The following ADGB variants were observed in gnomAD, a reference collection of about 807,000 sequenced individuals.
ADGB encodes androglobin, also known as calpain-7-like protein.
ADGB carries 172 observed loss-of-function variants against 210.5 expected under a neutral mutation model. The observed-to-expected ratio is 0.82, with a 90% confidence interval of 0.72 to 0.93. ADGB has a LOEUF of 0.93. Ranked by LOEUF, ADGB falls within the 40% of genes least tolerant of loss-of-function variation. The pLI is 0.00. For synonymous variants in ADGB, 658 were observed against 662.7 expected (o/e 0.99, Z 0.11); for missense variants, 2,025 against 1,964.8 (o/e 1.03, Z -0.58).
In ADGB at chr6:146,745,866, A is replaced by G. The variant is rs375128628; in HGVS notation, c.3178-56A>G. On this transcript the variant is annotated intron_variant, in intron 25 of 35. Transcript: ENST00000397944. Reference sequence around the variant, plus strand: ...CATTTAGCACTATTAGATATTGTACATTCGATAGAATAATAACGACATAAT... The same window carrying G: ...CATTTAGCACTATTAGATATTGTACGTTCGATAGAATAATAACGACATAAT... 393 of 1,371,950 alleles carry G rather than the reference A, an allele frequency of 2.9e-4. 3 individuals are homozygous for G. The South Asian group carries it at 4.4e-3, about 15-fold the overall frequency. 85.0% of individuals were successfully genotyped at this position (1,371,950 alleles called of 1,614,324 possible).
chr6:146,766,430 AAAATTAAATTAAATTAAATTAAATT>A (rs71552958), intron 28 of ADGB, among the ~76,000 whole-genome samples: 2 of 139,354 alleles, frequency 1.4e-5, no homozygotes, highest in Non-Finnish European at 1.5e-5. Context: ...CTGTCTCAGT[AAAATTAAATTAAATTAAATTAAATT>A]AAATTAAATT....
intron 18 of ADGB, chr6:146,725,215 A>G (rs749333594): frequency 4.6e-5 from 7 of 152,216 alleles, no homozygotes; most frequent in Non-Finnish European, 8.8e-5. Context: ...GAATTTAATA[A>G]AGATTCTTCT....
intron 1 of ADGB, among the ~76,000 whole-genome samples, chr6:146,600,519 C>T (rs1780539276): frequency 6.6e-6 from 1 of 152,184 alleles, no homozygotes; most frequent in Non-Finnish European, 1.5e-5. Flanking sequence ...CCTCTCCCTT[C>T]CTTCAGGAGT....
chr6:146,794,345 G>A (rs1204055391), intron 33 of ADGB, among the ~76,000 whole-genome samples: 3 of 152,134 alleles, frequency 2.0e-5, no homozygotes, highest in African/African-American at 4.8e-5. Context: ...CCGGTGAGTG[G>A]CTGGAAAGGG....
chr6:146,736,743 T>C (rs1417205662), intron 23 of ADGB, among the ~76,000 whole-genome samples, 152 bp downstream of exon 23: 1 of 152,180 alleles, frequency 6.6e-6, no homozygotes, highest in Admixed American at 6.5e-5. Flanking sequence ...ATCTGAAACA[T>C]TTCTATGGTA....
chr6:146,770,067 T>C (rs1184444686), intron 29 of ADGB, among the ~76,000 whole-genome samples: 2 of 152,330 alleles, frequency 1.3e-5, no homozygotes, highest in African/African-American at 2.4e-5. Context: ...TTCACCTGTT[T>C]CGTCCCTTGC....
At chr6:146,638,460 T>C (rs1340668747) in intron 2 of ADGB, among the ~76,000 whole-genome samples, 2 of 151,714 alleles carry the variant, frequency 1.3e-5, no homozygotes, top group African/African-American at 4.8e-5. Flanking sequence ...TGTAGGGACA[T>C]GGATGAAGCT....
chr6:146,736,544 G>C lies in ADGB; in HGVS notation c.2841G>C (p.Trp947Cys). Residue 947 changes from tryptophan to cysteine, a missense_variant, in exon 23 of 36, where the codon TGG becomes TGC. Physicochemically the swap from Trp to Cys is radical, Grantham distance 215. Transcript: ENST00000397944. Reference protein sequence around the residue: ...ISVADTLQKVWAVLEMNLEQY... With the variant: ...ISVADTLQKVCAVLEMNLEQY... ...TTGCAGATACTCTTCAAAAAGTTTG[G>C]GCTGTATTGGAAATGAATTTAGAAC... 1 of 1,549,014 alleles carries C rather than the reference G, an allele frequency of 6.5e-7. No homozygotes were observed.
At chr6:146,640,429 G>T (rs1775490068) in intron 2 of ADGB, among the ~76,000 whole-genome samples, 1 of 151,994 alleles carries the variant, frequency 6.6e-6, no homozygotes. Context: ...CCAACATCTT[G>T]ATAACAAAAC....
At chr6:146,619,804 G>T (rs1780862507) in intron 1 of ADGB, among the ~76,000 whole-genome samples, 1 of 151,910 alleles carries the variant, frequency 6.6e-6, no homozygotes. Context: ...AAGTATAAAT[G>T]GTTTACTTAG....
intron 29 of ADGB, among the ~76,000 whole-genome samples, chr6:146,779,820 C>T (rs894524119): frequency 6.8e-6 from 1 of 147,824 alleles, no homozygotes; most frequent in Non-Finnish European, 1.5e-5. Flanking sequence ...GTTTTGAAAA[C>T]AAACTTGCCC....
Position 146,733,143 on chromosome 6 carries a change from T to C in ADGB, c.2544T>C (p.Arg848=), listed in dbSNP as rs1375787243. The C allele has an allele frequency of 2.0e-6, 3 of 1,530,384 alleles. No homozygotes were observed. The Admixed American group carries it at 6.2e-5, about 31-fold the overall frequency. 94.8% of individuals were successfully genotyped at this position (1,530,384 alleles called of 1,614,324 possible). Residue 848 remains arginine, a synonymous_variant, in exon 21 of 36, where the codon CGT becomes CGC. Coordinates refer to ENST00000397944, the MANE Select transcript of ADGB (RefSeq NM_024694.4). The part of the protein sequence containing the change: ...HFRVFHLSLW[R]LMKKVQITKP... ...AGGTTTTTCATCTTTCCTTATGGCG[T>C]TTAATGAAAAAAGTTCAAATAACAA...
chr6:146,663,180 A>G (rs939064571), intron 5 of ADGB, among the ~76,000 whole-genome samples: 8 of 141,152 alleles, frequency 5.7e-5, no homozygotes, highest in African/African-American at 2.1e-4. Context: ...TATATTATAT[A>G]TTATATATAA....
At chr6:146,721,304 C>T in intron 16 of ADGB, 99 bp from the exon 17 acceptor site, 1 of 752,046 alleles carries the variant, frequency 1.3e-6, no homozygotes, top group East Asian at 2.7e-5. Flanking sequence ...CAGTAAGTTT[C>T]CTGTAACTCT....
chr6:146,760,195 C>T (rs2114620817), intron 27 of ADGB, among the ~76,000 whole-genome samples: 1 of 151,774 alleles, frequency 6.6e-6, no homozygotes. Flanking sequence ...TAGTATGACC[C>T]ACACCCCTAA....
At chr6:146,748,079 C>T (rs1777268277) in intron 26 of ADGB, among the ~76,000 whole-genome samples, 1 of 151,948 alleles carries the variant, frequency 6.6e-6, no homozygotes, top group East Asian at 1.9e-4. Flanking sequence ...CAACTGCGCC[C>T]AGCCCATTAA....
In ADGB at chr6:146,661,344, C is replaced by G. The variant is rs148227397; in HGVS notation, c.613-2857C>G. Among the ~76,000 whole-genome samples the G allele has an allele frequency of 4.0e-3, 606 of 151,358 alleles. 6 individuals carry two copies. Among genetic ancestry groups the G allele is most frequent in the African/African-American group, 0.013 (557 of 41,270 alleles). On this transcript the variant is annotated intron_variant, in intron 5 of 35. Transcript: ENST00000397944. ...CAGTGATCCTCCTGCCTCAGCCTCCCAAGTAGCTAGCACTACAGGTATGCC... is the reference window on the plus strand; with the variant it reads ...CAGTGATCCTCCTGCCTCAGCCTCCGAAGTAGCTAGCACTACAGGTATGCC...
chr6:146,631,017 C>T (rs1296284329), intron 1 of ADGB, among the ~76,000 whole-genome samples: 2 of 151,908 alleles, frequency 1.3e-5, no homozygotes, highest in Non-Finnish European at 2.9e-5. Context: ...AGGATAAGCT[C>T]ATAATTAAAG....
In ADGB at chr6:146,609,430, C is replaced by T. The variant is rs563540883; in HGVS notation, c.74+10316C>T. ...TCATCAGGTTGTTAGTTGGTTGTTACGTAGACTTGTCTGTGTAGTTAATTT... is the reference window on the plus strand; with the variant it reads ...TCATCAGGTTGTTAGTTGGTTGTTATGTAGACTTGTCTGTGTAGTTAATTT... On this transcript the variant is annotated intron_variant, in intron 1 of 35. Transcript: ENST00000397944. Among the ~76,000 whole-genome samples the T allele has an allele frequency of 7.2e-5, 11 of 152,202 alleles. No individual in the cohort carries two copies. The South Asian group carries it at 1.0e-3, about 14-fold the overall frequency.
Sources: allele counts gnomAD v4.1 joint callset (sites outside exome capture counted in the v4.1 genomes callset), GRCh38; gene constraint gnomAD v4.1.1; transcripts MANE v1.5; gene names NCBI Gene and HGNC (gene_info 2026-07-23, HGNC 2026-07-21).